Variants in ATP8A2 observed in about 807,000 individuals in gnomAD.
The protein encoded by ATP8A2 is ATPase phospholipid transporting 8A2, also known as phospholipid-transporting ATPase IB.
Under a neutral mutation model 165.6 loss-of-function variants are expected in ATP8A2, and 100 were observed. The observed-to-expected ratio is 0.60, with a 90% CI of 0.51 to 0.71. The LOEUF is 0.71. ATP8A2 is among the 30% of genes least tolerant of loss of function. The pLI, the probability that ATP8A2 is intolerant of heterozygous loss-of-function variation, is 0.00. For synonymous variants in ATP8A2, 543 were observed against 548.8 expected (o/e 0.99, Z 0.15); for missense variants, 1,227 against 1,479.5 (o/e 0.83, Z 2.80).
chr13:25,411,148 A>G (rs543871007), intron 1 of ATP8A2, among the ~76,000 whole-genome samples: 1 of 152,182 alleles, frequency 6.6e-6, no homozygotes, highest in Non-Finnish European at 1.5e-5. Context: ...AAATTTTTAC[A>G]ATCTTCTTTT....
At chr13:25,989,448 A>G (rs868761153) in intron 35 of ATP8A2, among the ~76,000 whole-genome samples, 1 of 152,240 alleles carries the variant, frequency 6.6e-6, no homozygotes, top group Non-Finnish European at 1.5e-5. Flanking sequence ...ATAAGTTCAC[A>G]TTCAAATAAT....
At chr13:25,504,692 A>G (rs2036972610) in intron 2 of ATP8A2, among the ~76,000 whole-genome samples, 1 of 135,530 alleles carries the variant, frequency 7.4e-6, no homozygotes, top group African/African-American at 2.8e-5. Flanking sequence ...GTGAGCCGAG[A>G]TTGCGCCACT....
intron 25 of ATP8A2, among the ~76,000 whole-genome samples, chr13:25,714,719 G>T (rs2043219781): frequency 6.6e-6 from 1 of 152,238 alleles, no homozygotes; most frequent in Non-Finnish European, 1.5e-5. Context: ...GTTATGCTGA[G>T]AACAGTGGTG....
chr13:25,931,605 G>T (rs1181997), intron 33 of ATP8A2, among the ~76,000 whole-genome samples: 1 of 152,098 alleles, frequency 6.6e-6, no homozygotes, highest in Admixed American at 6.5e-5. Context: ...TGCTCTGCCC[G>T]TCGTGAGGCT....
intron 34 of ATP8A2, among the ~76,000 whole-genome samples, chr13:25,965,173 C>T (rs1025466563): frequency 4.6e-5 from 7 of 152,110 alleles, no homozygotes; most frequent in Non-Finnish European, 1.0e-4. Flanking sequence ...GAAAAAAAGG[C>T]TTTTAAATTC....
At chr13:25,620,442 A>C (rs1307050479) in intron 24 of ATP8A2, among the ~76,000 whole-genome samples, 1 of 152,214 alleles carries the variant, frequency 6.6e-6, no homozygotes, top group African/African-American at 2.4e-5. Flanking sequence ...CAGCCAACCC[A>C]TACTAAAGGA....
chr13:25,493,434 C>G (rs1486549003), intron 2 of ATP8A2, among the ~76,000 whole-genome samples: 1 of 152,046 alleles, frequency 6.6e-6, no homozygotes, highest in Non-Finnish European at 1.5e-5. Flanking sequence ...GTTGGTGTAA[C>G]TTTTTGGTAG....
At chr13:25,644,902 C>T (rs2041631081) in intron 24 of ATP8A2, among the ~76,000 whole-genome samples, 1 of 151,974 alleles carries the variant, frequency 6.6e-6, no homozygotes, top group Non-Finnish European at 1.5e-5. Context: ...TGTAATATTG[C>T]CTCTTTCATT....
chr13:25,441,170 G>A (rs889634397), intron 1 of ATP8A2, among the ~76,000 whole-genome samples: 1 of 152,090 alleles, frequency 6.6e-6, no homozygotes, highest in African/African-American at 2.4e-5. Context: ...ATTTTTGTTA[G>A]GTTTTTAATT....
intron 27 of ATP8A2, among the ~76,000 whole-genome samples, chr13:25,805,478 C>G (rs1175783629): frequency 6.6e-6 from 1 of 152,064 alleles, no homozygotes; most frequent in East Asian, 1.9e-4. Flanking sequence ...GATCATGCCA[C>G]TGTACTCCAG....
intron 36 of ATP8A2, among the ~76,000 whole-genome samples, chr13:26,016,316 T>C (rs1956972549): frequency 6.6e-6 from 1 of 152,092 alleles, no homozygotes; most frequent in South Asian, 2.1e-4. Flanking sequence ...CCTGGGAGGT[T>C]TACAACAGGA....
chr13:25,736,265 C>T (rs934569739), intron 25 of ATP8A2, among the ~76,000 whole-genome samples: 3 of 152,030 alleles, frequency 2.0e-5, no homozygotes, highest in Admixed American at 6.6e-5. Flanking sequence ...AAAAGATGGC[C>T]GCTCAAGAAA....
At chr13:25,700,809 C>G (rs2042936194) in intron 25 of ATP8A2, among the ~76,000 whole-genome samples, 1 of 152,210 alleles carries the variant, frequency 6.6e-6, no homozygotes, top group South Asian at 2.1e-4. Context: ...TGCACCATTT[C>G]TGTTCCCACT....
intron 33 of ATP8A2, among the ~76,000 whole-genome samples, chr13:25,946,231 G>A (rs549778464): frequency 6.6e-6 from 1 of 152,070 alleles, no homozygotes; most frequent in African/African-American, 2.4e-5. Context: ...CTGTGAGTCC[G>A]GCCACTCAGT....
chr13:25,761,671 C>T (rs2044381841), intron 25 of ATP8A2, among the ~76,000 whole-genome samples: 1 of 150,260 alleles, frequency 6.7e-6, no homozygotes, highest in Non-Finnish European at 1.5e-5. Flanking sequence ...TATATACACA[C>T]ACATATGATA....
intron 25 of ATP8A2, among the ~76,000 whole-genome samples, chr13:25,720,160 A>ACTTTTT (rs2043343782): frequency 7.8e-6 from 1 of 127,758 alleles, no homozygotes; most frequent in African/African-American, 3.6e-5. Flanking sequence ...ATAAATGTAT[A>ACTTTTT]CTTTTTCTTT....
intron 10 of ATP8A2, among the ~76,000 whole-genome samples, chr13:25,550,414 AT>A (rs1593513853): frequency 1.3e-5 from 2 of 152,284 alleles, no homozygotes; most frequent in East Asian, 3.9e-4. Context: ...ACCTTCAGAT[AT>A]TTTTTAATAA....
intron 29 of ATP8A2, among the ~76,000 whole-genome samples, 178 bp from the exon 30 acceptor site, chr13:25,839,368 A>G (rs1259962358): frequency 1.3e-5 from 2 of 152,102 alleles, no homozygotes; most frequent in Non-Finnish European, 2.9e-5. Context: ...ATTTGTATGT[A>G]AAAATTAAAT....
intron 25 of ATP8A2, among the ~76,000 whole-genome samples, chr13:25,730,213 C>T (rs1277980531): frequency 2.0e-5 from 3 of 152,188 alleles, no homozygotes; most frequent in African/African-American, 7.2e-5. Context: ...ATTGCCTGAA[C>T]TCAGGTGGTT....
Sources: allele counts gnomAD v4.1 joint callset (sites outside exome capture counted in the v4.1 genomes callset), GRCh38; gene constraint gnomAD v4.1.1; transcripts MANE v1.5; gene names NCBI Gene and HGNC (gene_info 2026-07-23, HGNC 2026-07-21).